The following PSIP1 variants were observed in gnomAD, a reference collection of about 807,000 sequenced individuals.
The protein encoded by PSIP1 is PC4 and SFRS1-interacting protein.
PSIP1 carries 19 observed loss-of-function variants against 74.7 expected under a neutral mutation model. The ratio of observed to expected loss-of-function variants is 0.25; its 90% CI spans 0.18 to 0.37. The LOEUF is 0.37. PSIP1 is among the 10% of genes least tolerant of loss of function. The pLI is 1.00. For synonymous variants in PSIP1, 222 were observed against 195.3 expected (o/e 1.14, Z -1.14); for missense variants, 601 against 614.3 (o/e 0.98, Z 0.23).
At chr9:15,510,441 TC>T (rs2037813828) in intron 1 of PSIP1, 112 bp from the exon 2 acceptor site, 1 of 396,410 alleles carries the variant, frequency 2.5e-6, no homozygotes. Flanking sequence ...GACGGCCGCC[TC>T]CCGCTCCTCC....
At chr9:15,470,624 C>A (rs2737834) in intron 10 of PSIP1, 1 of 952,766 alleles carries the variant, frequency 1.0e-6, no homozygotes, top group Non-Finnish European at 1.3e-6. Flanking sequence ...CAAAAAATAT[C>A]TAAAAATCAG....
At chr9:15,470,298 T>C (rs2035769169) in intron 10 of PSIP1, among the ~76,000 whole-genome samples, 2 of 152,160 alleles carry the variant, frequency 1.3e-5, no homozygotes, top group South Asian at 4.1e-4. Flanking sequence ...CCTATAAATG[T>C]TTAATGGCTT....
At chr9:15,480,636 A>G (rs1162908681) in intron 6 of PSIP1, among the ~76,000 whole-genome samples, 1 of 152,218 alleles carries the variant, frequency 6.6e-6, no homozygotes, top group East Asian at 1.9e-4. Flanking sequence ...AAATCTCTAT[A>G]TAGGGCTGGA....
At chr9:15,470,450 A>G (rs891667892) in intron 10 of PSIP1, among the ~76,000 whole-genome samples, 4 of 152,116 alleles carry the variant, frequency 2.6e-5, no homozygotes, top group Non-Finnish European at 5.9e-5. Context: ...ATTTTGGCCA[A>G]TTCATCAAAC....
At chr9:15,486,316 A>G (rs902729194) in intron 5 of PSIP1, among the ~76,000 whole-genome samples, 9 of 152,328 alleles carry the variant, frequency 5.9e-5, no homozygotes, top group African/African-American at 2.2e-4. Context: ...TTAAATTTAT[A>G]AAACTACTTT....
chr9:15,498,673 A>T (rs912233107), intron 3 of PSIP1, among the ~76,000 whole-genome samples: 1 of 152,118 alleles, frequency 6.6e-6, no homozygotes, highest in Admixed American at 6.6e-5. Context: ...CATATAAAAA[A>T]ATCCTTAATA....
At chr9:15,479,548 T>G in intron 7 of PSIP1, 43 bp downstream of exon 7, 1 of 1,479,020 alleles carries the variant, frequency 6.8e-7, no homozygotes, top group Non-Finnish European at 9.2e-7. Context: ...GACTGGAATA[T>G]TAATCACAAG....
At chr9:15,490,373 T>C (rs1167035716) in intron 3 of PSIP1, among the ~76,000 whole-genome samples, 1 of 152,172 alleles carries the variant, frequency 6.6e-6, no homozygotes, top group East Asian at 1.9e-4. Context: ...TTAACACTGC[T>C]GAACTATACA....
rs542749397 is a variant in PSIP1 at position 15,471,596 on chromosome 9, AGTGC to A, written c.977+1032_977+1035del. On this transcript the variant is annotated intron_variant, in intron 10 of 15. Transcript: ENST00000380733. Reference sequence around the variant, plus strand: ...AAAGAATAACTTAAATATTTACAGAAGTGCTTAAAGTCTAACATTAGAGGGAATA... The same window carrying A: ...AAAGAATAACTTAAATATTTACAGAATTAAAGTCTAACATTAGAGGGAATA... The A allele has an allele frequency of 6.6e-3, 6,272 of 948,368 alleles. 28 individuals carry two copies. The highest frequency in any genetic ancestry group is 7.3e-3 in the Non-Finnish European group (5,833 of 796,354). 58.7% of individuals were successfully genotyped at this position (948,368 alleles called of 1,614,324 possible).
intron 6 of PSIP1, among the ~76,000 whole-genome samples, chr9:15,484,777 G>A (rs1445599261): frequency 1.3e-5 from 2 of 151,864 alleles, no homozygotes; most frequent in Admixed American, 1.3e-4. Context: ...GCTGGGCATG[G>A]TGGTGCATGC....
chr9:15,468,491 C>G, intron 14 of PSIP1, 139 bp downstream of exon 14: 4 of 940,088 alleles, frequency 4.3e-6, no homozygotes, highest in East Asian at 2.4e-5. Context: ...ATAGGCCCAT[C>G]AGATTTTCAC....
At chr9:15,486,760 C>T in intron 5 of PSIP1, 67 bp downstream of exon 5, 1 of 1,105,790 alleles carries the variant, frequency 9.0e-7, no homozygotes, top group African/African-American at 1.6e-5. Flanking sequence ...TAATCATGGC[C>T]AACTCATTTC....
intron 4 of PSIP1, among the ~76,000 whole-genome samples, chr9:15,488,806 G>A (rs917173960): frequency 6.6e-6 from 1 of 151,958 alleles, no homozygotes; most frequent in African/African-American, 2.4e-5. Flanking sequence ...CGGATCACAA[G>A]GTCAGGAGAT....
rs1735068743 is a variant in PSIP1, at chr9:15,469,004, T to C, written c.1159A>G (p.Met387Val). ...LDELASLQVT[M>V]QQAQKHTEMI... ...TCTGTGTGTTTCTGAGCTTGTTGCATTGTGACCTGAAGTGAAGCAAGTTCA... is the reference window on the plus strand; with the variant it reads ...TCTGTGTGTTTCTGAGCTTGTTGCACTGTGACCTGAAGTGAAGCAAGTTCA... The change falls in exon 13 of 16, where the codon ATG becomes GTG. Residue 387 changes from methionine (M) to valine (V), a missense_variant. Transcript: ENST00000380733. 2 of 1,614,042 alleles carry C rather than the reference T, an allele frequency of 1.2e-6. No individual in the cohort carries two copies. Among genetic ancestry groups the C allele is most frequent in the East Asian group, 2.2e-5 (1 of 44,856 alleles).
chr9:15,474,126 CTCTTT>C lies in PSIP1; in HGVS notation c.736_740del (p.Lys246AlafsTer3). 2 of 1,613,526 alleles carry C rather than the reference CTCTTT, an allele frequency of 1.2e-6. No homozygotes were observed. The highest frequency in any genetic ancestry group is 8.5e-7 in the Non-Finnish European group (1 of 1,179,834). On this transcript the variant is annotated frameshift_variant, in exon 9 of 16. Coordinates refer to ENST00000380733, the MANE Select transcript of PSIP1 (RefSeq NM_033222.5). LOFTEE classifies it high-confidence loss of function. ...CTTTCTTCCCCTCTTTTTTATCCGGCTCTTTTCTTGGCTTATCTTCTTCCTTCTGG... is the reference window on the plus strand; with the variant it reads ...CTTTCTTCCCCTCTTTTTTATCCGGCTCTTGGCTTATCTTCTTCCTTCTGG...
chr9:15,491,891 G>C (rs2036848047), intron 3 of PSIP1: 1 of 152,316 alleles, frequency 6.6e-6, no homozygotes. Flanking sequence ...GAAAATGCCA[G>C]ACGCTTATGA....
In PSIP1 at chr9:15,510,322, C is replaced by T. The variant is rs1586879320; in HGVS notation, c.-134G>A. ...GGGAGGATGCCTCGGGGCGTCCCGACGCGCCTGCTAGGGAGAGCACCGAGG... is the reference window on the plus strand; with the variant it reads ...GGGAGGATGCCTCGGGGCGTCCCGATGCGCCTGCTAGGGAGAGCACCGAGG... On this transcript the variant is annotated 5_prime_UTR_variant, in exon 2 of 16. Transcript: ENST00000380733. 12 of 490,366 alleles carry T rather than the reference C, an allele frequency of 2.4e-5. No homozygotes were observed. In the East Asian group the frequency reaches 5.4e-4, roughly 22 times the overall value. 30.4% of individuals were successfully genotyped at this position (490,366 alleles called of 1,614,324 possible).
chr9:15,497,988 C>T (rs1407210252), intron 3 of PSIP1, among the ~76,000 whole-genome samples: 1 of 152,170 alleles, frequency 6.6e-6, no homozygotes. Context: ...CACCTACACA[C>T]TATTTCACTG....
intron 3 of PSIP1, among the ~76,000 whole-genome samples, chr9:15,504,122 A>C (rs1465485745): frequency 6.6e-6 from 1 of 152,256 alleles, no homozygotes; most frequent in African/African-American, 2.4e-5. Flanking sequence ...TTCCAAAGAT[A>C]AATGGTATAA....
Sources: gnomAD v4.1 joint callset for allele counts (sites outside exome capture counted in the v4.1 genomes callset) on GRCh38, gnomAD v4.1.1 for gene constraint, MANE v1.5 for transcripts, NCBI Gene and HGNC (gene_info 2026-07-23, HGNC 2026-07-21) for gene names.